Variants in TLK1 observed in about 807,000 individuals in gnomAD.
The protein encoded by TLK1 is tousled like kinase 1, also known as serine/threonine-protein kinase tousled-like 1.
Under a neutral mutation model 105.3 loss-of-function variants are expected in TLK1, and 24 were observed. That is an observed-to-expected ratio of 0.23 (90% CI 0.17 to 0.32). TLK1 has a LOEUF of 0.32. TLK1 is among the 10% of genes least tolerant of loss of function. The pLI, the probability that TLK1 is intolerant of heterozygous loss-of-function variation, is 1.00. For missense variants in TLK1, 558 were observed against 910.5 expected, an observed-to-expected ratio of 0.61 and a Z score of 4.98; for synonymous variants, 321 against 310.4, an observed-to-expected ratio of 1.03 and a Z score of -0.36.
chr2:171,083,789 T>C (rs897633286), intron 2 of TLK1, among the ~76,000 whole-genome samples: 1 of 152,166 alleles, frequency 6.6e-6, no homozygotes, highest in Admixed American at 6.5e-5. Context: ...CCCAGTACTA[T>C]GCTGGATACT....
chr2:171,033,859 C>A (rs1686175912), intron 11 of TLK1, among the ~76,000 whole-genome samples: 2 of 146,014 alleles, frequency 1.4e-5, no homozygotes, highest in African/African-American at 2.5e-5. Context: ...ATCTGCAAAT[C>A]ATATATGTTA....
Position 171,014,870 on chromosome 2 carries a change from T to C in TLK1, c.1315A>G (p.Asn439Asp). ...NLHIRELKRI[N>D]NEDNSQFKDH... ...ACTTACTGTGAATTATCTTCATTGT[T>C]TATTCTTTTCAGCTCACGTATGTGA... The change falls in exon 13 of 21, where the codon AAC (asparagine) becomes GAC (aspartate). Residue 439 changes from asparagine (N) to aspartate (D), a missense_variant. Around this residue, in one of 5 missense-constraint regions of TLK1, gnomAD observed 218 missense variants for 492.9 expected, o/e 0.44. Transcript: ENST00000431350. 6.2e-7 allele frequency: 1 copy of C among 1,613,210 alleles called. No homozygotes were observed. The highest frequency in any genetic ancestry group is 8.5e-7 in the Non-Finnish European group (1 of 1,179,284).
Position 170,992,754 on chromosome 2 carries a change from ACAT to A in TLK1, c.*1023_*1025del, listed in dbSNP as rs1466928272. On this transcript the variant is annotated 3_prime_UTR_variant, in exon 21 of 21. Coordinates refer to ENST00000431350, the MANE Select transcript of TLK1 (RefSeq NM_012290.5). ...CATTTAATTTTTTAGCAAAGAAGCAACATCATTTAGCAGCAATTAGAGTGCCTT... is the reference window on the plus strand; with the variant it reads ...CATTTAATTTTTTAGCAAAGAAGCAACATTTAGCAGCAATTAGAGTGCCTT... 1 of 152,600 alleles carries A rather than the reference ACAT, an allele frequency of 6.6e-6. No individual in the cohort carries two copies. The highest frequency in any genetic ancestry group is 1.5e-5 in the Non-Finnish European group (1 of 68,006). The allele number at this position is 152,600 out of a possible 1,614,324, so 9.5% of individuals were successfully genotyped here. A position where few individuals can be genotyped will look rare whatever the true frequency, so the allele number is the denominator to read the frequency against.
chr2:171,039,786 A>C (rs1222679695), intron 11 of TLK1, among the ~76,000 whole-genome samples: 1 of 152,198 alleles, frequency 6.6e-6, no homozygotes, highest in Non-Finnish European at 1.5e-5. Flanking sequence ...CTACCAACCC[A>C]AAATTCTAAA....
chr2:171,225,254 T>A (rs1380179848), intron 1 of TLK1, among the ~76,000 whole-genome samples: 2 of 152,186 alleles, frequency 1.3e-5, no homozygotes, highest in Non-Finnish European at 2.9e-5. Flanking sequence ...GGGTCTTGTA[T>A]GCAGAATATA....
chr2:171,076,028 G>GCTAA (rs1455458706), intron 3 of TLK1, among the ~76,000 whole-genome samples: 1 of 152,112 alleles, frequency 6.6e-6, no homozygotes, highest in Non-Finnish European at 1.5e-5. Context: ...GACCAGCCTG[G>GCTAA]CTAACATGGT....
chr2:171,092,551 T>C (rs886262200), intron 2 of TLK1, among the ~76,000 whole-genome samples: 13 of 152,228 alleles, frequency 8.5e-5, no homozygotes, highest in Non-Finnish European at 1.8e-4. Context: ...AAAATATCTA[T>C]TTACTGTGCC....
chr2:171,138,405 T>A (rs1313235801), intron 1 of TLK1, among the ~76,000 whole-genome samples: 1 of 152,196 alleles, frequency 6.6e-6, no homozygotes, highest in East Asian at 1.9e-4. Context: ...CAAGGTATAC[T>A]TATCTAAAAA....
chr2:171,118,151 C>T (rs1207867192), intron 1 of TLK1, among the ~76,000 whole-genome samples: 1 of 152,148 alleles, frequency 6.6e-6, no homozygotes, highest in African/African-American at 2.4e-5. Context: ...AATACCAAAT[C>T]TTACTGCAAT....
chr2:171,201,163 T>C (rs218310), intron 1 of TLK1, among the ~76,000 whole-genome samples: 104,994 of 151,974 alleles, frequency 0.69, 36,580 homozygotes, highest in East Asian at 0.95. Context: ...GGATTACAGA[T>C]GTGAGCCACC....
chr2:171,010,820 C>A (rs1196872982), intron 14 of TLK1, among the ~76,000 whole-genome samples: 1 of 152,068 alleles, frequency 6.6e-6, no homozygotes, highest in Non-Finnish European at 1.5e-5. Context: ...TGGCTACCTG[C>A]CTATCTTGAT....
At chr2:171,102,119 T>C (rs775385547) in intron 2 of TLK1, among the ~76,000 whole-genome samples, 5 of 152,204 alleles carry the variant, frequency 3.3e-5, no homozygotes, top group Non-Finnish European at 5.9e-5. Flanking sequence ...TCTCTTAATA[T>C]ATCTTGGAGA....
At chr2:171,195,747 A>G (rs1327515414) in intron 1 of TLK1, among the ~76,000 whole-genome samples, 1 of 152,102 alleles carries the variant, frequency 6.6e-6, no homozygotes, top group African/African-American at 2.4e-5. Flanking sequence ...TGAGATCCCA[A>G]TGAGCTAAAA....
At chr2:171,028,876 T>C (rs1685904283) in intron 11 of TLK1, among the ~76,000 whole-genome samples, 1 of 152,178 alleles carries the variant, frequency 6.6e-6, no homozygotes, top group East Asian at 1.9e-4. Flanking sequence ...GTAAGTGTCA[T>C]GAAGAAGGCA....
At chr2:171,148,913 G>A (rs199987869) in intron 1 of TLK1, among the ~76,000 whole-genome samples, 19,949 of 123,994 alleles carry the variant, frequency 0.16, 2,063 homozygotes, top group African/African-American at 0.32. Context: ...ATATATATAT[G>A]TGTGTGTGTG....
chr2:171,207,221 A>T (rs1434663528), intron 1 of TLK1, among the ~76,000 whole-genome samples: 2 of 152,222 alleles, frequency 1.3e-5, no homozygotes, highest in African/African-American at 4.8e-5. Flanking sequence ...CTAAAAATAA[A>T]TGAGTTATCA....
intron 1 of TLK1, among the ~76,000 whole-genome samples, chr2:171,188,691 G>A (rs1693083049): frequency 7.0e-6 from 1 of 142,468 alleles, no homozygotes; most frequent in Non-Finnish European, 1.5e-5. Context: ...CAGCAACAGT[G>A]CAAGACTCTG....
chr2:171,192,889 C>T (rs1398737093), intron 1 of TLK1, among the ~76,000 whole-genome samples: 1 of 152,150 alleles, frequency 6.6e-6, no homozygotes, highest in Non-Finnish European at 1.5e-5. Flanking sequence ...GAGGATTATT[C>T]TGGAAAATGT....
At chr2:171,184,854 T>C (rs199860002) in intron 1 of TLK1, among the ~76,000 whole-genome samples, 1 of 106,314 alleles carries the variant, frequency 9.4e-6, no homozygotes, top group African/African-American at 4.5e-5. Context: ...TGTTTGTTTG[T>C]TTGAGATGGA....
Sources: allele counts gnomAD v4.1 joint callset (sites outside exome capture counted in the v4.1 genomes callset), GRCh38; gene constraint gnomAD v4.1.1; regional missense constraint gnomAD v4.1.1; transcripts MANE v1.5; gene names NCBI Gene and HGNC (gene_info 2026-07-23, HGNC 2026-07-21).